Variants in SCEL observed in about 807,000 individuals in gnomAD.
SCEL encodes sciellin.
In SCEL, 113 loss-of-function variants were observed where a neutral mutation model predicts 117.6. The ratio of observed to expected loss-of-function variants is 0.96; its 90% CI spans 0.83 to 1.12. SCEL has a LOEUF of 1.12. Ranked by LOEUF, SCEL falls within the 50% of genes most tolerant of loss-of-function variation. The probability of loss-of-function intolerance (pLI) is 0.00; values close to 1 mark genes in which losing one functional copy is unlikely to be tolerated. For synonymous variants in SCEL, 270 were observed against 256.2 expected (o/e 1.05, Z -0.51); for missense variants, 785 against 810.8 (o/e 0.97, Z 0.39).
rs772233268 is a variant in SCEL, at chr13:77,617,575, C to A, written c.1452-24C>A. ...CTGTGATTATCTCTAACCCAAGTTG[C>A]TTTAATATTTTTTCCACTTAAAGAA... On this transcript the variant is annotated intron_variant, in intron 24 of 32. Transcript: ENST00000349847. 5.5e-6 allele frequency: 8 copies of A among 1,466,890 alleles called. No homozygotes were observed. The Admixed American group carries it at 1.5e-4, about 27-fold the overall frequency. 90.9% of individuals were successfully genotyped at this position (1,466,890 alleles called of 1,614,324 possible). A position where few individuals can be genotyped will look rare whatever the true frequency, so the allele number is the denominator to read the frequency against.
intron 12 of SCEL, among the ~76,000 whole-genome samples, chr13:77,595,117 T>C (rs1320741858): frequency 6.6e-6 from 1 of 152,214 alleles, no homozygotes; most frequent in Non-Finnish European, 1.5e-5. Context: ...AATTATGGTT[T>C]GGTGTAAATC....
Position 77,608,093 on chromosome 13 carries a change from G to T in SCEL, c.1195G>T (p.Glu399Ter), listed in dbSNP as rs1424361834. 8 of 1,613,090 alleles carry T rather than the reference G, an allele frequency of 5.0e-6. No individual in the cohort carries two copies. The highest frequency in any genetic ancestry group is 6.8e-6 in the Non-Finnish European group (8 of 1,179,344). The change falls in exon 20 of 33, where the codon GAA (glutamate) becomes TAA (stop). Residue 399 changes from glutamate (E) to a stop codon, truncating the protein, a stop_gained. Coordinates refer to ENST00000349847, the MANE Select transcript of SCEL (RefSeq NM_144777.3). LOFTEE classifies it high-confidence loss of function. ...TGATAATCTCATCAAAGTGACCCCT[G>T]AAGTAAAGAGAAGTAACCAAGGGTG... ...SLDNLIKVTP[E>*]VKRSNQGSKD...
At chr13:77,578,566 G>A (rs2086086553) in intron 9 of SCEL, among the ~76,000 whole-genome samples, 1 of 152,160 alleles carries the variant, frequency 6.6e-6, no homozygotes, top group Non-Finnish European at 1.5e-5. Context: ...TGGGAGATCT[G>A]ATGTTGTAGG....
At chr13:77,593,666 A>C (rs1594056813) in intron 12 of SCEL, 93 bp downstream of exon 12, 4 of 838,582 alleles carry the variant, frequency 4.8e-6, no homozygotes, top group East Asian at 5.0e-5. Flanking sequence ...ATATGAACAA[A>C]ATCCTAGTGC....
intron 24 of SCEL, among the ~76,000 whole-genome samples, chr13:77,616,027 T>A (rs1304467064): frequency 6.6e-6 from 1 of 151,658 alleles, no homozygotes; most frequent in East Asian, 1.9e-4. Flanking sequence ...TGTGTGTGTG[T>A]GTGTGTGTGT....
At position 77,568,196 on chromosome 13, in the gene SCEL, G is replaced by C. The variant is rs1247007070; in HGVS notation, c.360-99G>C. ...TGCTTTCTATTTCTTTCTCTCACCA[G>C]TGTCTAACTTTTAAAACTCTAAATT... On this transcript the variant is annotated intron_variant, in intron 6 of 32. Transcript: ENST00000349847. 9.8e-6 allele frequency: 7 copies of C among 715,240 alleles called. No individual in the cohort carries two copies. In the East Asian group the frequency reaches 1.9e-4, roughly 19 times the overall value. The allele number at this position is 715,240 out of a possible 1,614,324, so 44.3% of individuals were successfully genotyped here.
intron 15 of SCEL, among the ~76,000 whole-genome samples, chr13:77,601,614 A>G (rs901135119): frequency 1.3e-5 from 2 of 152,228 alleles, no homozygotes; most frequent in Non-Finnish European, 2.9e-5. Context: ...CAGACCCTTT[A>G]AACACATCTG....
intron 5 of SCEL, among the ~76,000 whole-genome samples, chr13:77,567,193 C>G (rs144926729): frequency 6.6e-6 from 1 of 152,206 alleles, no homozygotes; most frequent in African/African-American, 2.4e-5. Flanking sequence ...TTGGCTCACA[C>G]GTGTAATCTC....
Position 77,637,136 on chromosome 13 carries a change from G to T in SCEL, c.1780G>T (p.Gly594Ter). 2 of 1,544,630 alleles carry T rather than the reference G, an allele frequency of 1.3e-6. No individual in the cohort carries two copies. Among genetic ancestry groups the T allele is most frequent in the South Asian group, 1.2e-5 (1 of 82,858 alleles). ...YVENSKSPKD[G>*]YQENISGKYI... ...TGTTCCTAGTAAATCACCCAAGGAT[G>T]GATATCAGGAGAATATCTCTGGAAA... The change falls in exon 30 of 33, where the codon GGA becomes TGA. Residue 594 changes from glycine (G) to a stop codon, truncating the protein, a stop_gained. Coordinates refer to ENST00000349847, the MANE Select transcript of SCEL (RefSeq NM_144777.3). LOFTEE classifies it high-confidence loss of function.
chr13:77,595,206 C>T (rs2087149970), intron 12 of SCEL, among the ~76,000 whole-genome samples: 1 of 152,120 alleles, frequency 6.6e-6, no homozygotes, highest in Non-Finnish European at 1.5e-5. Context: ...ATTCCACAGC[C>T]AGGTACATTT....
intron 9 of SCEL, among the ~76,000 whole-genome samples, chr13:77,574,459 T>G (rs538020571): frequency 6.6e-6 from 1 of 152,228 alleles, no homozygotes; most frequent in Non-Finnish European, 1.5e-5. Flanking sequence ...ATTAATATAA[T>G]GGCTAAACGA....
chr13:77,562,898 G>A (rs2085063784), intron 4 of SCEL, among the ~76,000 whole-genome samples: 1 of 152,152 alleles, frequency 6.6e-6, no homozygotes, highest in African/African-American at 2.4e-5. Context: ...TTATTCTAAT[G>A]CAATACTTTG....
chr13:77,610,180 C>G, intron 22 of SCEL, 74 bp downstream of exon 22: 1 of 1,068,054 alleles, frequency 9.4e-7, no homozygotes, highest in Non-Finnish European at 1.4e-6. Flanking sequence ...ACAAATTGTG[C>G]GGTGGCTTAC....
At chr13:77,563,938 A>C in intron 5 of SCEL, 39 bp downstream of exon 5, 1 of 1,278,450 alleles carries the variant, frequency 7.8e-7, no homozygotes, top group East Asian at 2.5e-5. Context: ...AATGCATAAC[A>C]TATTAAATAC....
chr13:77,564,304 A>C (rs2085162454), intron 5 of SCEL, among the ~76,000 whole-genome samples: 1 of 151,982 alleles, frequency 6.6e-6, no homozygotes, highest in Non-Finnish European at 1.5e-5. Flanking sequence ...GAGACTGTAA[A>C]TTTTAATAAT....
At chr13:77,555,188 A>G (rs139489350) in intron 1 of SCEL, among the ~76,000 whole-genome samples, 2,332 of 152,312 alleles carry the variant, frequency 0.015, 37 homozygotes, top group Middle Eastern at 0.037. Context: ...CCATAAAGTC[A>G]TAATTCAGTT....
rs548201288 is a variant in SCEL at position 77,626,878 on chromosome 13, T to G, written c.1629-1069T>G. Among the ~76,000 whole-genome samples the G allele has an allele frequency of 5.3e-5, 8 of 152,232 alleles. No individual in the cohort carries two copies. In the East Asian group the frequency reaches 1.3e-3, roughly 26 times the overall value. On this transcript the variant is annotated intron_variant, in intron 27 of 32. Coordinates refer to ENST00000349847, the MANE Select transcript of SCEL (RefSeq NM_144777.3). ...TTGGTCACAGAAGTAAGGAAAAAAC[T>G]GGGTCTCATTGTTTTGACTTCTAAA...
intron 1 of SCEL, among the ~76,000 whole-genome samples, chr13:77,548,812 C>T (rs980189970): frequency 1.3e-5 from 2 of 152,160 alleles, no homozygotes; most frequent in Non-Finnish European, 2.9e-5. Context: ...TGCCTTCTGC[C>T]ATCATTGTGA....
At chr13:77,633,360 C>T (rs1035328895) in intron 28 of SCEL, among the ~76,000 whole-genome samples, 36 of 142,172 alleles carry the variant, frequency 2.5e-4, no homozygotes, top group Admixed American at 8.0e-4. Context: ...GGCGTGAACC[C>T]GGGAAGCGGA....
Sources: gnomAD v4.1 joint callset for allele counts (sites outside exome capture counted in the v4.1 genomes callset) on GRCh38, gnomAD v4.1.1 for gene constraint, MANE v1.5 for transcripts, NCBI Gene and HGNC (gene_info 2026-07-23, HGNC 2026-07-21) for gene names.